The following CATSPERD variants were observed in gnomAD, a reference collection of about 807,000 sequenced individuals.
The protein encoded by CATSPERD is catsper channel auxiliary subunit delta, also known as cation channel sperm-associated auxiliary subunit delta.
In CATSPERD, 86 loss-of-function variants were observed where a neutral mutation model predicts 98.1. The ratio of observed to expected loss-of-function variants is 0.88; its 90% CI spans 0.74 to 1.05. The LOEUF is 1.05. CATSPERD is among the 50% of genes least tolerant of loss of function. The pLI is 0.00. For missense variants in CATSPERD, 995 were observed against 1,005.7 expected, an observed-to-expected ratio of 0.99 and a Z score of 0.14; for synonymous variants, 394 against 390.2, an observed-to-expected ratio of 1.01 and a Z score of -0.12.
intron 20 of CATSPERD, 42 bp downstream of exon 20, chr19:5,773,007 C>T (rs779945995): frequency 7.0e-5 from 111 of 1,596,442 alleles, no homozygotes; most frequent in Non-Finnish European, 9.1e-5. Context: ...ATCAGCAGCC[C>T]ACCAGGGGGT....
rs773155562 is a variant in CATSPERD, at chr19:5,751,835, T to C, written c.1164+12T>C. The stretch of plus-strand genomic sequence containing the variant: ...TTGGAAAGTGCAAGGTATGTGATCC[T>C]AACTGTTTTGATCAATGTTCAATGT... On this transcript the variant is annotated intron_variant, in intron 12 of 21. Transcript: ENST00000381624. 48 of 1,603,074 alleles carry C rather than the reference T, an allele frequency of 3.0e-5. No homozygotes were observed. The highest frequency in any genetic ancestry group is 4.0e-5 in the Non-Finnish European group (47 of 1,173,032).
In CATSPERD at chr19:5,757,864, T is replaced by G. The variant is rs1357778822; in HGVS notation, c.1300T>G (p.Ser434Ala). 13 of 1,613,208 alleles carry G rather than the reference T, an allele frequency of 8.1e-6. No individual in the cohort carries two copies. Among genetic ancestry groups the G allele is most frequent in the African/African-American group, 1.3e-5 (1 of 74,980 alleles). Reference protein sequence around the residue: ...IPLVMVSNPHSLGFQATFYEN... With the variant: ...IPLVMVSNPHALGFQATFYEN... Reference sequence around the variant, plus strand: ...CCAGGTGATGGTGAGCAACCCCCACTCCCTGGGGTTCCAGGCCACCTTCTA... The same window carrying G: ...CCAGGTGATGGTGAGCAACCCCCACGCCCTGGGGTTCCAGGCCACCTTCTA... Residue 434 changes from serine to alanine, a missense_variant, in exon 14 of 22, where the codon TCC becomes GCC. Transcript: ENST00000381624.
At chr19:5,747,020 T>G (rs2056107481) in intron 9 of CATSPERD, among the ~76,000 whole-genome samples, 1 of 151,776 alleles carries the variant, frequency 6.6e-6, no homozygotes, top group Admixed American at 6.6e-5. Flanking sequence ...TTTTTTTGTA[T>G]TTTTTGTAGA....
chr19:5,720,711 C>T lies in CATSPERD; in HGVS notation c.-27C>T, dbSNP rs775459961. On this transcript the variant is annotated 5_prime_UTR_variant, in exon 1 of 22. Coordinates refer to ENST00000381624, the MANE Select transcript of CATSPERD (RefSeq NM_152784.4). ...GCGACTCCCCGTGGCGGTTGAGGGGCAGTGGTGGCGGCGGAAGCCCAAGTC... is the reference window on the plus strand; with the variant it reads ...GCGACTCCCCGTGGCGGTTGAGGGGTAGTGGTGGCGGCGGAAGCCCAAGTC... 6.2e-7 allele frequency: 1 copy of T among 1,602,242 alleles called. No individual in the cohort carries two copies. The highest frequency in any genetic ancestry group is 1.1e-5 in the South Asian group (1 of 90,694).
In CATSPERD at chr19:5,762,041, C is replaced by CAT. The variant is rs71172765; in HGVS notation, c.1428-1157_1428-1156dup. Among the ~76,000 whole-genome samples the CAT allele has an allele frequency of 2.3e-3, 54 of 23,244 alleles. 4 individuals carry two copies. The highest frequency in any genetic ancestry group is 0.05 in the Middle Eastern group (1 of 20). 15.2% of individuals were successfully genotyped at this position (23,244 alleles called of 152,430 possible). On this transcript the variant is annotated intron_variant, in intron 15 of 21. Coordinates refer to ENST00000381624, the MANE Select transcript of CATSPERD (RefSeq NM_152784.4). ...GTGAGAGCCACTGCGCCTGGCCTGC[C>CAT]ATATATATATATATATATTTTTTTT...
chr19:5,753,018 A>G (rs1315684224), intron 12 of CATSPERD, among the ~76,000 whole-genome samples: 1 of 142,538 alleles, frequency 7.0e-6, no homozygotes, highest in Non-Finnish European at 1.5e-5. Flanking sequence ...ATGGAGTGAG[A>G]CTCCATGTCA....
chr19:5,734,210 C>A (rs2055794352), intron 5 of CATSPERD, among the ~76,000 whole-genome samples: 1 of 152,138 alleles, frequency 6.6e-6, no homozygotes, highest in African/African-American at 2.4e-5. Context: ...TTGAAACAAA[C>A]AAGAGGCATT....
chr19:5,748,026 G>T, intron 9 of CATSPERD, 134 bp from the exon 10 acceptor site: 1 of 650,990 alleles, frequency 1.5e-6, no homozygotes, highest in Non-Finnish European at 2.8e-6. Context: ...CCTCTCAAAA[G>T]CTATAAGGAA....
intron 8 of CATSPERD, among the ~76,000 whole-genome samples, chr19:5,744,979 G>A (rs1330632453): frequency 1.3e-5 from 2 of 152,064 alleles, no homozygotes; most frequent in Non-Finnish European, 2.9e-5. Flanking sequence ...TTCTCACTGT[G>A]TCACCCAGGC....
chr19:5,755,587 T>G (rs1030002580), intron 13 of CATSPERD, among the ~76,000 whole-genome samples: 1 of 151,588 alleles, frequency 6.6e-6, no homozygotes, highest in Non-Finnish European at 1.5e-5. Flanking sequence ...CTGGGCAACA[T>G]AGTGAGACTC....
chr19:5,725,397 T>C (rs1212996632), intron 2 of CATSPERD, among the ~76,000 whole-genome samples: 2 of 152,228 alleles, frequency 1.3e-5, no homozygotes, highest in Admixed American at 6.6e-5. Flanking sequence ...GTAACCTACC[T>C]GCCTCAGCCT....
chr19:5,726,250 C>T (rs1036136926), intron 2 of CATSPERD, among the ~76,000 whole-genome samples: 6 of 151,568 alleles, frequency 4.0e-5, no homozygotes, highest in South Asian at 2.1e-4. Flanking sequence ...TTAGTAGAGA[C>T]GGGGTTTCAC....
chr19:5,768,225 C>A lies in CATSPERD; in HGVS notation c.1617C>A (p.Tyr539Ter). 1.2e-6 allele frequency: 2 copies of A among 1,613,418 alleles called. No individual in the cohort carries two copies. The highest frequency in any genetic ancestry group is 1.7e-6 in the Non-Finnish European group (2 of 1,179,496). Reference protein sequence around the residue: ...ILDPLTLQDNYSFIIEKEFYD... With the variant: ...ILDPLTLQDN Reference sequence around the variant, plus strand: ...ACCCCTTGACCCTGCAAGACAATTACAGCTTCATCATCGAGAAGTAAGCCA... The same window carrying A: ...ACCCCTTGACCCTGCAAGACAATTAAAGCTTCATCATCGAGAAGTAAGCCA... The change falls in exon 18 of 22, where the codon TAC becomes TAA. Residue 539 changes from tyrosine to a stop codon, truncating the protein, a stop_gained. Transcript: ENST00000381624. LOFTEE classifies it high-confidence loss of function.
At chr19:5,733,062 C>G (rs550701170) in intron 4 of CATSPERD, among the ~76,000 whole-genome samples, 25 of 151,580 alleles carry the variant, frequency 1.6e-4, no homozygotes, top group Non-Finnish European at 3.2e-4. Context: ...AGTGCAATCT[C>G]GGCTCACCGC....
At chr19:5,748,295 C>T (rs372911128) in intron 10 of CATSPERD, 40 bp downstream of exon 10, 1 of 1,576,374 alleles carries the variant, frequency 6.3e-7, no homozygotes, top group Non-Finnish European at 8.7e-7. Flanking sequence ...AATATTTAGA[C>T]CTGGCTTATT....
intron 4 of CATSPERD, among the ~76,000 whole-genome samples, chr19:5,730,731 G>A (rs1185644650): frequency 2.7e-5 from 4 of 150,580 alleles, no homozygotes; most frequent in Admixed American, 6.6e-5. Flanking sequence ...CAGCCTGGGC[G>A]GCTGGGCACG....
At position 5,771,059 on chromosome 19, in the gene CATSPERD, C is replaced by A; in HGVS notation, c.1750C>A (p.Pro584Thr). Residue 584 changes from proline (P) to threonine (T), a missense_variant, in exon 19 of 22, where the codon CCC becomes ACC. Physicochemically the swap from Pro to Thr is conservative, Grantham distance 38 (BLOSUM62 -1). Coordinates refer to ENST00000381624, the MANE Select transcript of CATSPERD (RefSeq NM_152784.4). The part of the protein sequence containing the change: ...LLVYYDTLWK[P>T]VVELWRKDSF... The stretch of plus-strand genomic sequence containing the variant: ...CGTCTACTATGACACCCTATGGAAG[C>A]CCGTGGTGGAGCTGTAAGACCCCAG... The A allele has an allele frequency of 6.2e-7, 1 of 1,613,496 alleles. No individual in the cohort carries two copies. Among genetic ancestry groups the A allele is most frequent in the East Asian group, 2.2e-5 (1 of 44,858 alleles).
intron 17 of CATSPERD, 27 bp downstream of exon 17, chr19:5,766,182 G>A (rs774719434): frequency 1.2e-6 from 2 of 1,603,980 alleles, no homozygotes; most frequent in South Asian, 1.1e-5. Context: ...CGGGCACCAT[G>A]GCTCATTCCT....
intron 3 of CATSPERD, among the ~76,000 whole-genome samples, chr19:5,728,885 GAC>G (rs2055661749): frequency 1.3e-5 from 2 of 150,834 alleles, no homozygotes; most frequent in African/African-American, 4.9e-5. Flanking sequence ...TTTTAGTAAA[GAC>G]AGAGTTTTTA....
Sources: allele counts gnomAD v4.1 joint callset (sites outside exome capture counted in the v4.1 genomes callset), GRCh38; gene constraint gnomAD v4.1.1; transcripts MANE v1.5; gene names NCBI Gene and HGNC (gene_info 2026-07-23, HGNC 2026-07-21).